RBFOX1: variants seen among roughly 807,000 people sequenced by gnomAD.
RBFOX1 encodes the protein RNA binding fox-1 homolog 1, also known as RNA binding protein fox-1 homolog 1.
RBFOX1 carries 8 observed loss-of-function variants against 57.7 expected under a neutral mutation model. The ratio of observed to expected loss-of-function variants is 0.14; its 90% CI spans 0.08 to 0.25. The LOEUF (loss-of-function observed/expected upper bound fraction) is 0.25, where lower values mean the gene tolerates loss of function less well. RBFOX1 is among the 10% of genes least tolerant of loss of function. The pLI is 1.00. For synonymous variants in RBFOX1, 326 were observed against 222.4 expected, an observed-to-expected ratio of 1.47 and a Z score of -4.15; for missense variants, 611 against 548.5, an observed-to-expected ratio of 1.11 and a Z score of -1.14.
In RBFOX1 at chr16:6,019,057, G is replaced by C; in HGVS notation, c.-1062G>C. 1 of 974,570 alleles carries C rather than the reference G, an allele frequency of 1.0e-6. No homozygotes were observed. The highest frequency in any genetic ancestry group is 1.2e-6 in the Non-Finnish European group (1 of 820,886). The allele number at this position is 974,570 out of a possible 1,614,324, so 60.4% of individuals were successfully genotyped here. ...TTTGGCTCCGCAGCCGGGGCTGCTC[G>C]CTGCTTGTCGCGCGCTCACACACAC... On this transcript the variant is annotated 5_prime_UTR_variant, in exon 1 of 16. Coordinates refer to ENST00000550418, the MANE Select transcript of RBFOX1 (RefSeq NM_018723.4). This position sits in a 1 kb window ranked among gnomAD's most constrained non-coding sequence, Gnocchi z 4.2.
At chr16:5,535,120 A>G (rs2151044366) in intron 2 of RBFOX1, among the ~76,000 whole-genome samples, 1 of 152,358 alleles carries the variant, frequency 6.6e-6, no homozygotes, top group African/African-American at 2.4e-5. Flanking sequence ...TGATAAACAC[A>G]TGCAGCTACT....
chr16:6,850,487 A>G (rs1398940820), intron 3 of RBFOX1, among the ~76,000 whole-genome samples: 2 of 152,066 alleles, frequency 1.3e-5, no homozygotes, highest in Non-Finnish European at 2.9e-5. Flanking sequence ...CTGATTGCCT[A>G]AGGTACAATA....
rs945292798 is a variant in RBFOX1, at chr16:7,199,106, G to C, written c.27+147008G>C. On this transcript the variant is annotated intron_variant, in intron 4 of 15. Coordinates refer to ENST00000550418, the MANE Select transcript of RBFOX1 (RefSeq NM_018723.4). ...CCTCCTCCCCAGAGGAAGAACACAGGCTGCAGAGGTGACAGCTCACAATGT... is the reference window on the plus strand; with the variant it reads ...CCTCCTCCCCAGAGGAAGAACACAGCCTGCAGAGGTGACAGCTCACAATGT... 1.3e-5 allele frequency among the ~76,000 whole-genome samples: 2 copies of C among 152,284 alleles called. 1 individual carries two copies. Among genetic ancestry groups the C allele is most frequent in the Middle Eastern group, 6.8e-3 (2 of 294 alleles).
At chr16:7,704,411 C>T (rs905766692) in intron 14 of RBFOX1, among the ~76,000 whole-genome samples, 3 of 152,218 alleles carry the variant, frequency 2.0e-5, no homozygotes, top group Admixed American at 6.5e-5. Flanking sequence ...TTCTAGAGTC[C>T]CCAGAAAGTT....
rs539976819 is a variant in RBFOX1 at position 7,380,405 on chromosome 16, G to A, written c.28-137742G>A. Among the ~76,000 whole-genome samples the A allele has an allele frequency of 4.6e-5, 7 of 152,178 alleles. No individual in the cohort carries two copies. The East Asian group carries it at 1.2e-3, about 25-fold the overall frequency. On this transcript the variant is annotated intron_variant, in intron 4 of 15. Coordinates refer to ENST00000550418, the MANE Select transcript of RBFOX1 (RefSeq NM_018723.4). ...TAGAACATATATGCTTAATATAAAT[G>A]ACTTTATGTCTATGACTCTGTTACC...
chr16:7,571,054 G>C (rs553043623), intron 5 of RBFOX1, among the ~76,000 whole-genome samples: 2 of 152,264 alleles, frequency 1.3e-5, no homozygotes, highest in South Asian at 4.1e-4. Context: ...GACACAGGGA[G>C]GGGAACAACA....
chr16:7,191,273 G>C (rs576039110), intron 4 of RBFOX1, among the ~76,000 whole-genome samples: 6 of 151,710 alleles, frequency 4.0e-5, no homozygotes, highest in Non-Finnish European at 7.4e-5. Context: ...TCCAGTCATG[G>C]CACATCAGAA....
At chr16:5,861,174 G>T (rs1201964179) in intron 3 of RBFOX1, among the ~76,000 whole-genome samples, 1 of 152,180 alleles carries the variant, frequency 6.6e-6, no homozygotes, top group Non-Finnish European at 1.5e-5. Context: ...CATGTAGGAG[G>T]ATCTTGTACA....
chr16:5,869,692 C>T (rs184585436), intron 4 of RBFOX1, among the ~76,000 whole-genome samples: 5 of 152,252 alleles, frequency 3.3e-5, no homozygotes, highest in Admixed American at 1.3e-4. Context: ...CATGAGCCAC[C>T]GCGCCCGGCT....
intron 4 of RBFOX1, among the ~76,000 whole-genome samples, chr16:7,276,885 G>A (rs1455129950): frequency 1.3e-5 from 2 of 152,164 alleles, no homozygotes; most frequent in African/African-American, 2.4e-5. Flanking sequence ...AATTATCTGA[G>A]TGGAATCTCA....
At chr16:6,506,829 G>A (rs191952520) in intron 2 of RBFOX1, among the ~76,000 whole-genome samples, 1 of 152,092 alleles carries the variant, frequency 6.6e-6, no homozygotes, top group African/African-American at 2.4e-5. Context: ...GTAATTTTTA[G>A]TAGAGAGAGG....
At chr16:5,560,429 T>TC (rs1189728379) in intron 2 of RBFOX1, among the ~76,000 whole-genome samples, 1 of 152,050 alleles carries the variant, frequency 6.6e-6, no homozygotes, top group African/African-American at 2.4e-5. Context: ...AGATGGCTTC[T>TC]CCCCGCACTC....
chr16:7,504,326 T>C (rs1303840652), intron 4 of RBFOX1, among the ~76,000 whole-genome samples: 1 of 152,070 alleles, frequency 6.6e-6, no homozygotes, highest in African/African-American at 2.4e-5. Context: ...ATTGTTATTA[T>C]CAAGAATGTT....
Position 6,095,283 on chromosome 16 carries a change from A to G in RBFOX1, c.-127+75291A>G, listed in dbSNP as rs375852632. Among the ~76,000 whole-genome samples, 63 of 152,326 alleles carry G rather than the reference A, an allele frequency of 4.1e-4. 1 individual carries two copies. The South Asian group carries it at 0.013, about 31-fold the overall frequency. ...GGTGAATATACAAATAAGTGAAGTC[A>G]AGATGCTAAATCCTTCATGGGTTTG... On this transcript the variant is annotated intron_variant, in intron 1 of 15. Transcript: ENST00000550418.
intron 3 of RBFOX1, among the ~76,000 whole-genome samples, chr16:5,629,122 T>A (rs913064048): frequency 6.6e-6 from 1 of 152,240 alleles, no homozygotes; most frequent in South Asian, 2.1e-4. Context: ...AAGAAGCTAT[T>A]TTACTCTTCA....
chr16:5,718,229 A>G (rs574328233), intron 3 of RBFOX1, among the ~76,000 whole-genome samples: 1 of 152,336 alleles, frequency 6.6e-6, no homozygotes, highest in South Asian at 2.1e-4. Flanking sequence ...ATAGACAGAG[A>G]ACAAATCAAG....
chr16:6,642,862 C>T (rs190737102), intron 2 of RBFOX1, among the ~76,000 whole-genome samples: 1 of 152,136 alleles, frequency 6.6e-6, no homozygotes, highest in Non-Finnish European at 1.5e-5. Context: ...GCCCTGCAAC[C>T]TACCCAACTA....
At chr16:6,214,444 G>GAGGGAGAGAGGGAGAAGGACAGAA (rs2097318182) in intron 1 of RBFOX1, among the ~76,000 whole-genome samples, 5 of 147,564 alleles carry the variant, frequency 3.4e-5, no homozygotes, top group African/African-American at 1.3e-4. Flanking sequence ...GAAGGACAGA[G>GAGGGAGAGAGGGAGAAGGACAGAA]AAGGTGAGAG....
At chr16:6,808,930 C>A (rs1457025881) in intron 3 of RBFOX1, among the ~76,000 whole-genome samples, 1 of 152,134 alleles carries the variant, frequency 6.6e-6, no homozygotes, top group Admixed American at 6.6e-5. Context: ...CTAAATATGT[C>A]CTGAGAAGGA....
Sources: allele counts gnomAD v4.1 joint callset (sites outside exome capture counted in the v4.1 genomes callset), GRCh38; gene constraint gnomAD v4.1.1; non-coding constraint Gnocchi (gnomAD v3.1); transcripts MANE v1.5; gene names NCBI Gene and HGNC (gene_info 2026-07-23, HGNC 2026-07-21).